FMNL1: variants seen among roughly 807,000 people sequenced by gnomAD.
The protein encoded by FMNL1 is formin-like protein 1.
In FMNL1, 43 loss-of-function variants were observed where a neutral mutation model predicts 121.3. The observed-to-expected ratio is 0.35, with a 90% CI of 0.28 to 0.46. The LOEUF (loss-of-function observed/expected upper bound fraction) is 0.46, where lower values mean the gene tolerates loss of function less well. FMNL1 is among the 20% of genes least tolerant of loss of function. The pLI, the probability that FMNL1 is intolerant of heterozygous loss-of-function variation, is 1.00. For missense variants in FMNL1, 1,191 were observed against 1,482.4 expected (o/e 0.80, Z 3.23); for synonymous variants, 613 against 613.5 (o/e 1.00, Z 0.01).
At position 45,242,464 on chromosome 17, in the gene FMNL1, A is replaced by G. The variant is rs1181551870; in HGVS notation, c.2009A>G (p.Gln670Arg). The change falls in exon 16 of 27, where the codon CAG becomes CGG. Residue 670 changes from glutamine (Q) to arginine (R), a missense_variant and splice_region_variant. Physicochemically the swap from Gln to Arg is conservative, Grantham distance 43 (BLOSUM62 1). Coordinates refer to ENST00000331495, the MANE Select transcript of FMNL1 (RefSeq NM_005892.4). ...FTELNDEKVL[Q>R]ELDMSDFEEQ... Reference sequence around the variant, plus strand: ...GAGCTCAATGATGAGAAGGTGCTGCAGGTGAGTGGCCCTGCCTGGCTCCCC... The same window carrying G: ...GAGCTCAATGATGAGAAGGTGCTGCGGGTGAGTGGCCCTGCCTGGCTCCCC... The G allele has an allele frequency of 1.2e-6, 2 of 1,613,314 alleles. No individual in the cohort carries two copies. The highest frequency in any genetic ancestry group is 1.7e-6 in the Non-Finnish European group (2 of 1,179,444).
chr17:45,243,945 C>A lies in FMNL1; in HGVS notation c.2368C>A (p.Arg790Ser). Residue 790 changes from arginine (R) to serine (S), a missense_variant, in exon 18 of 27, where the codon CGC (arginine) becomes AGC (serine). This residue lies in a region of FMNL1 where 367 missense variants were observed against 528.6 expected (regional missense o/e 0.69). Transcript: ENST00000331495. ...EEDRFMLCFS[R>S]IPRLPERMTT... ...GGACCGCTTCATGCTATGCTTCAGC[C>A]GCATCCCGCGCCTGCCGGAGCGCAT... is the stretch of plus-strand genomic sequence containing the variant. 2 of 1,613,700 alleles carry A rather than the reference C, an allele frequency of 1.2e-6. No homozygotes were observed. The highest frequency in any genetic ancestry group is 1.7e-6 in the Non-Finnish European group (2 of 1,180,034).
chr17:45,245,163 TG>T (rs1327922773), intron 21 of FMNL1, 55 bp downstream of exon 21: 3 of 1,610,084 alleles, frequency 1.9e-6, no homozygotes, highest in Non-Finnish European at 2.5e-6. Context: ...TGGGGTAGGT[TG>T]GGAGAAAGCT....
chr17:45,241,362 C>G lies in FMNL1; in HGVS notation c.1333-20C>G. ...AAGGAGCCTGCTGGTGGGCACTGACCCCTCCCGTGGGGTTCGTAGGAGCGC... is the reference window on the plus strand; with the variant it reads ...AAGGAGCCTGCTGGTGGGCACTGACGCCTCCCGTGGGGTTCGTAGGAGCGC... On this transcript the variant is annotated intron_variant, in intron 13 of 26. Coordinates refer to ENST00000331495, the MANE Select transcript of FMNL1 (RefSeq NM_005892.4). The surrounding 1 kb of genome is among the most constrained non-coding windows in gnomAD (Gnocchi z 7.0). The G allele has an allele frequency of 6.3e-7, 1 of 1,578,076 alleles. No individual in the cohort carries two copies. Among genetic ancestry groups the G allele is most frequent in the Non-Finnish European group, 8.6e-7 (1 of 1,162,104 alleles).
Position 45,237,309 on chromosome 17 carries a change from C to G in FMNL1, c.752C>G (p.Pro251Arg), listed in dbSNP as rs766209725. 3.1e-6 allele frequency: 5 copies of G among 1,614,074 alleles called. No individual in the cohort carries two copies. In the African/African-American group the frequency reaches 5.3e-5, roughly 17 times the overall value. ...QSGFSLVMNH[P>R]ACVNEIALSL... is the part of the protein sequence containing the mutation. ...GGCTTCAGCCTTGTCATGAACCACC[C>G]AGCCTGTGTCAATGAGATTGCTCTG... Residue 251 changes from proline to arginine, a missense_variant, in exon 8 of 27, where the codon CCA becomes CGA. Physicochemically the swap from Pro to Arg is moderately radical, Grantham distance 103. This residue lies in a region of FMNL1 where 253 missense variants were observed against 417.5 expected (regional missense o/e 0.61). Coordinates refer to ENST00000331495, the MANE Select transcript of FMNL1 (RefSeq NM_005892.4). This position sits in a 1 kb window ranked among gnomAD's most constrained non-coding sequence, Gnocchi z 4.4.
rs61744576 is a variant in FMNL1, at chr17:45,233,541, T to C, written c.402-107T>C. 1,065 of 1,305,656 alleles carry C rather than the reference T, an allele frequency of 8.2e-4. 11 individuals are homozygous for C. The African/African-American group carries it at 0.014, about 18-fold the overall frequency. The allele number at this position is 1,305,656 out of a possible 1,614,324, so 80.9% of individuals were successfully genotyped here. On this transcript the variant is annotated intron_variant, in intron 4 of 26. Transcript: ENST00000331495. This position sits in a 1 kb window ranked among gnomAD's most constrained non-coding sequence, Gnocchi z 4.1. Reference sequence around the variant, plus strand: ...CAGAATCCTTTGGTATCATTGGGTCTTTGGGGGTTGAAAGGGCACCCCAGG... The same window carrying C: ...CAGAATCCTTTGGTATCATTGGGTCCTTGGGGGTTGAAAGGGCACCCCAGG...
chr17:45,246,216 C>T lies in FMNL1; in HGVS notation c.3097C>T (p.Pro1033Ser), dbSNP rs1450511148. ...KGEPPAPKSP[P>S]KARRPQMDLI... ...AGCTATAAATTCCCCCTAGTCACCG[C>T]CAAAGGCCCGGCGGCCACAGATGGA... The change falls in exon 25 of 27, where the codon CCA (proline) becomes TCA (serine). Residue 1033 changes from proline to serine, a missense_variant. Pro to Ser is a moderately conservative substitution (Grantham distance 74). This residue lies in a region of FMNL1 where 367 missense variants were observed against 528.6 expected (regional missense o/e 0.69). Coordinates refer to ENST00000331495, the MANE Select transcript of FMNL1 (RefSeq NM_005892.4). The T allele has an allele frequency of 1.9e-6, 3 of 1,607,652 alleles. No homozygotes were observed. Among genetic ancestry groups the T allele is most frequent in the Admixed American group, 3.3e-5 (2 of 59,760 alleles).
chr17:45,224,258 G>A (rs2043288479), intron 1 of FMNL1, among the ~76,000 whole-genome samples: 1 of 152,264 alleles, frequency 6.6e-6, no homozygotes. Flanking sequence ...CACCAGCAGG[G>A]GCATGAGGCT....
rs2043425819 is a variant in FMNL1 at position 45,231,027 on chromosome 17, G to A, written c.213+340G>A. The stretch of plus-strand genomic sequence containing the variant: ...ACCTCTCTGGACTGGGGAAGGGAGA[G>A]GGCGACCCTGGGGTTGGACATCTTC... On this transcript the variant is annotated intron_variant, in intron 2 of 26. Transcript: ENST00000331495. This position sits in a 1 kb window ranked among gnomAD's most constrained non-coding sequence, Gnocchi z 4.7. 6.6e-6 allele frequency among the ~76,000 whole-genome samples: 1 copy of A among 152,164 alleles called. No individual in the cohort carries two copies. The highest frequency in any genetic ancestry group is 6.5e-5 in the Admixed American group (1 of 15,280).
At chr17:45,234,490 C>A (rs1004502344) in intron 6 of FMNL1, 5 of 394,328 alleles carry the variant, frequency 1.3e-5, no homozygotes, top group African/African-American at 8.3e-5. Context: ...CATGGTGAAA[C>A]CCCATCTCTA....
At chr17:45,232,562 C>A in intron 3 of FMNL1, 82 bp downstream of exon 3, 1 of 1,271,682 alleles carries the variant, frequency 7.9e-7, no homozygotes, top group Non-Finnish European at 1.1e-6. Flanking sequence ...TGTGTACAGA[C>A]TTTTCTATGT....
At position 45,238,937 on chromosome 17, in the gene FMNL1, C is replaced by G. The variant is rs770286835; in HGVS notation, c.970-18C>G. On this transcript the variant is annotated intron_variant, in intron 10 of 26. Transcript: ENST00000331495. ...CCACCTAGAGGATCATAGATCTCCC[C>G]ATGTCCCTGGCTCCCAGGTGGCCTG... 1.2e-6 allele frequency: 2 copies of G among 1,605,392 alleles called. No homozygotes were observed. Among genetic ancestry groups the G allele is most frequent in the Admixed American group, 1.7e-5 (1 of 59,996 alleles).
At position 45,245,626 on chromosome 17, in the gene FMNL1, C is replaced by T. The variant is rs368112012; in HGVS notation, c.2893-6C>T. 3 of 1,614,026 alleles carry T rather than the reference C, an allele frequency of 1.9e-6. No homozygotes were observed. The African/African-American group carries it at 4.0e-5, about 22-fold the overall frequency. On this transcript the variant is annotated splice_region_variant and splice_polypyrimidine_tract_variant and intron_variant, in intron 22 of 26. Transcript: ENST00000331495. ...AAGCTGGGGGGCTGACAGGCTGTGCCCACAGGAGGCCTTTGAGTCTGTGGT... is the reference window on the plus strand; with the variant it reads ...AAGCTGGGGGGCTGACAGGCTGTGCTCACAGGAGGCCTTTGAGTCTGTGGT...
At position 45,241,483 on chromosome 17, in the gene FMNL1, GA is replaced by G; in HGVS notation, c.1436del (p.Lys479ArgfsTer10). ...APTRPSALEL[K>X]VEELEEKGLI... is the part of the protein sequence containing the mutation. ...CGACGCGGCCCTCGGCCCTGGAGCT[GA>G]AGGTGGAGGAGCTGGAGGAGAAGGG... is the stretch of plus-strand genomic sequence containing the variant. On this transcript the variant is annotated frameshift_variant, in exon 14 of 27. Coordinates refer to ENST00000331495, the MANE Select transcript of FMNL1 (RefSeq NM_005892.4). LOFTEE classifies it high-confidence loss of function. This position sits in a 1 kb window ranked among gnomAD's most constrained non-coding sequence, Gnocchi z 7.0. 6.3e-7 allele frequency: 1 copy of G among 1,576,622 alleles called. No homozygotes were observed. The highest frequency in any genetic ancestry group is 2.3e-5 in the East Asian group (1 of 43,268).
intron 6 of FMNL1, among the ~76,000 whole-genome samples, chr17:45,235,287 G>A (rs1004655592): frequency 3.3e-4 from 50 of 152,204 alleles, no homozygotes; most frequent in African/African-American, 1.2e-3. Flanking sequence ...GAGAAGGGAG[G>A]TGGCCACCAC....
At chr17:45,240,925 C>A in intron 12 of FMNL1, 1 of 713,124 alleles carries the variant, frequency 1.4e-6, no homozygotes, top group Non-Finnish European at 2.3e-6. Context: ...CCTCTCCCTC[C>A]ACCTCCCGCA....
At position 45,224,366 on chromosome 17, in the gene FMNL1, C is replaced by T. The variant is rs552565486; in HGVS notation, c.129+2113C>T. Among the ~76,000 whole-genome samples the T allele has an allele frequency of 4.0e-3, 606 of 152,224 alleles. 3 individuals carry two copies. The highest frequency in any genetic ancestry group is 5.9e-3 in the Non-Finnish European group (400 of 68,012). On this transcript the variant is annotated intron_variant, in intron 1 of 26. Transcript: ENST00000331495. ...TGGCAGTGTGTATCGCAGAGTTGGTCGCTATGTGAACCCCCACCCGAACCA... is the reference window on the plus strand; with the variant it reads ...TGGCAGTGTGTATCGCAGAGTTGGTTGCTATGTGAACCCCCACCCGAACCA...
chr17:45,242,932 C>T (rs1290809977), intron 16 of FMNL1, among the ~76,000 whole-genome samples, 186 bp from the exon 17 acceptor site: 1 of 152,232 alleles, frequency 6.6e-6, no homozygotes, highest in African/African-American at 2.4e-5. Context: ...GGTTAGGCGG[C>T]CCTCCTCCTC....
intron 11 of FMNL1, 168 bp from the exon 12 acceptor site, chr17:45,240,308 T>TA (rs2043655332): frequency 1.5e-6 from 1 of 662,520 alleles, no homozygotes; most frequent in South Asian, 3.0e-5. Flanking sequence ...TTGTACACTT[T>TA]AAAATGGATT....
chr17:45,229,911 G>A (rs1198980569), intron 1 of FMNL1, among the ~76,000 whole-genome samples: 5 of 152,224 alleles, frequency 3.3e-5, no homozygotes, highest in South Asian at 4.1e-4. Context: ...GACCTTCCCC[G>A]CAAATCTCCC....
Sources: gnomAD v4.1 joint callset for allele counts (sites outside exome capture counted in the v4.1 genomes callset) on GRCh38, gnomAD v4.1.1 for gene constraint, gnomAD v4.1.1 regional missense constraint, Gnocchi (gnomAD v3.1) non-coding constraint, MANE v1.5 for transcripts, NCBI Gene and HGNC (gene_info 2026-07-23, HGNC 2026-07-21) for gene names.